Variants in CCDC39 observed in about 807,000 individuals in gnomAD.
CCDC39 encodes coiled-coil domain 39 molecular ruler complex subunit.
CCDC39 carries 113 observed loss-of-function variants against 121.0 expected under a neutral mutation model. The observed-to-expected ratio is 0.93, with a 90% confidence interval of 0.80 to 1.09. The LOEUF (loss-of-function observed/expected upper bound fraction) is 1.09, where lower values mean the gene tolerates loss of function less well. CCDC39 is among the 50% of genes least tolerant of loss of function. The probability of loss-of-function intolerance (pLI) is 0.00; values close to 1 mark genes in which losing one functional copy is unlikely to be tolerated. For missense variants in CCDC39, 1,063 were observed against 1,074.7 expected (o/e 0.99, Z 0.15); for synonymous variants, 349 against 352.2 (o/e 0.99, Z 0.10).
At chr3:180,663,483 A>T (rs540283835) in intron 2 of CCDC39, among the ~76,000 whole-genome samples, 41 of 151,970 alleles carry the variant, frequency 2.7e-4, no homozygotes, top group African/African-American at 7.0e-4. Context: ...GACCAGCCTG[A>T]CCAACATGGT....
At position 180,644,120 on chromosome 3, in the gene CCDC39, C is replaced by G; in HGVS notation, c.1665G>C (p.Gln555His). 1 of 1,535,970 alleles carries G rather than the reference C, an allele frequency of 6.5e-7. No individual in the cohort carries two copies. Among genetic ancestry groups the G allele is most frequent in the South Asian group, 1.3e-5 (1 of 79,780 alleles). The change falls in exon 12 of 20, where the codon CAG becomes CAC. Residue 555 changes from glutamine to histidine, a missense_variant and splice_region_variant. Gln to His is a conservative substitution (Grantham distance 24, BLOSUM62 0). Coordinates refer to ENST00000476379, the MANE Select transcript of CCDC39 (RefSeq NM_181426.2). Reference sequence around the variant, plus strand: ...ACATATGCATACAATTTTACTGCACCTGCTTAAAACCTTTGGCTTTATCAA... The same window carrying G: ...ACATATGCATACAATTTTACTGCACGTGCTTAAAACCTTTGGCTTTATCAA... ...KELDKAKGFK[Q>H]DLMIEDNLLK...
chr3:180,644,396 T>C, intron 11 of CCDC39, 139 bp from the exon 12 acceptor site: 1 of 541,446 alleles, frequency 1.8e-6, no homozygotes, highest in Admixed American at 3.9e-5. Context: ...TTATCTCTCT[T>C]TCTGCTATGT....
At chr3:180,667,575 G>A (rs1711918520) in intron 1 of CCDC39, among the ~76,000 whole-genome samples, 2 of 152,140 alleles carry the variant, frequency 1.3e-5, no homozygotes, top group South Asian at 4.1e-4. Flanking sequence ...CACAAACCGT[G>A]CCTCTCTAAG....
chr3:180,636,942 A>C lies in CCDC39; in HGVS notation c.1874+5051T>G, dbSNP rs182883315. Among the ~76,000 whole-genome samples, 666 of 152,324 alleles carry C rather than the reference A, an allele frequency of 4.4e-3. 2 individuals carry two copies. Among genetic ancestry groups the C allele is most frequent in the Non-Finnish European group, 6.2e-3 (424 of 68,014 alleles). On this transcript the variant is annotated intron_variant, in intron 13 of 19. Coordinates refer to ENST00000476379, the MANE Select transcript of CCDC39 (RefSeq NM_181426.2). ...ATAAAAATCAACTCAAGATGGATTA[A>C]ATATTTAAATGTAATACTCAAAACT...
intron 14 of CCDC39, among the ~76,000 whole-genome samples, chr3:180,627,825 G>C (rs1315842152): frequency 6.6e-6 from 1 of 152,184 alleles, no homozygotes; most frequent in African/African-American, 2.4e-5. Flanking sequence ...GAATTGAGCT[G>C]TGTCCCTTAT....
intron 3 of CCDC39, among the ~76,000 whole-genome samples, chr3:180,661,056 C>A (rs1711730080): frequency 6.6e-6 from 1 of 151,892 alleles, no homozygotes; most frequent in East Asian, 1.9e-4. Flanking sequence ...CCAAAGCCAC[C>A]CCAAATATAT....
At chr3:180,651,217 A>G (rs961029397) in intron 9 of CCDC39, among the ~76,000 whole-genome samples, 184 bp downstream of exon 9, 9 of 152,026 alleles carry the variant, frequency 5.9e-5, no homozygotes, top group Non-Finnish European at 1.0e-4. Context: ...AAAAAGAGAG[A>G]GGAGACTGAG....
At chr3:180,617,455 G>T (rs1400293641) in intron 16 of CCDC39, 1 of 687,330 alleles carries the variant, frequency 1.5e-6, no homozygotes, top group East Asian at 2.7e-5. Flanking sequence ...CCAGAAGAGG[G>T]CATTGTTATC....
intron 11 of CCDC39, among the ~76,000 whole-genome samples, chr3:180,646,231 T>C (rs1718063733): frequency 1.3e-5 from 2 of 152,168 alleles, no homozygotes; most frequent in Admixed American, 6.5e-5. Context: ...TTTTAAAATA[T>C]TTCATCAGAC....
At chr3:180,668,022 A>G (rs1189696343) in intron 1 of CCDC39, among the ~76,000 whole-genome samples, 1 of 152,210 alleles carries the variant, frequency 6.6e-6, no homozygotes, top group African/African-American at 2.4e-5. Flanking sequence ...GCAGGTTTCT[A>G]TAAGACATGC....
intron 11 of CCDC39, among the ~76,000 whole-genome samples, chr3:180,645,182 G>A (rs1407774270): frequency 6.6e-6 from 1 of 152,080 alleles, no homozygotes; most frequent in Non-Finnish European, 1.5e-5. Context: ...TATTGTCAAA[G>A]CATGTGTATA....
rs1718087961 is a variant in CCDC39, at chr3:180,647,252, GT to G, written c.1363-10del. On this transcript the variant is annotated splice_polypyrimidine_tract_variant and intron_variant, in intron 10 of 19. Coordinates refer to ENST00000476379, the MANE Select transcript of CCDC39 (RefSeq NM_181426.2). ...TGTTGAATGTGAAAATCCTGTTACA[GT>G]TTAAAAAAAAAAAGGTATTACAAAG... The G allele has an allele frequency of 6.7e-7, 1 of 1,491,814 alleles. No homozygotes were observed. The highest frequency in any genetic ancestry group is 1.5e-5 in the African/African-American group (1 of 68,790). 92.4% of individuals were successfully genotyped at this position (1,491,814 alleles called of 1,614,324 possible).
Position 180,619,985 on chromosome 3 carries a change from A to G in CCDC39, c.1999-15T>C. ...TCTTGAGCAGCCTATGAAGTACAGA[A>G]TAGAACTGGTTGAATAAAAGCATTT... On this transcript the variant is annotated splice_polypyrimidine_tract_variant and intron_variant, in intron 14 of 19. Transcript: ENST00000476379. 1.3e-6 allele frequency: 2 copies of G among 1,576,844 alleles called. No homozygotes were observed. The highest frequency in any genetic ancestry group is 1.7e-6 in the Non-Finnish European group (2 of 1,161,050).
intron 10 of CCDC39, among the ~76,000 whole-genome samples, chr3:180,647,669 T>G (rs1302671994): frequency 6.6e-6 from 1 of 152,008 alleles, no homozygotes. Context: ...CTTTAACATC[T>G]GTAATTTTTA....
At position 180,616,838 on chromosome 3, in the gene CCDC39, T is replaced by C. The variant is rs767461670; in HGVS notation, c.2394A>G (p.Arg798=). The part of the protein sequence containing the change: ...ETEEQKPKLE[R]VTKQCAKLTK... ...AAGATATCGATACCTGTTTGGTCAC[T>C]CTTTCTAATTTTGGCTTCTGCTCCT... The change falls in exon 17 of 20, where the codon AGA becomes AGG. Residue 798 remains arginine, a synonymous_variant. Transcript: ENST00000476379. 1.2e-6 allele frequency: 2 copies of C among 1,610,448 alleles called. No individual in the cohort carries two copies. The highest frequency in any genetic ancestry group is 1.3e-5 in the African/African-American group (1 of 74,968).
At chr3:180,624,082 G>A (rs1232302525) in intron 14 of CCDC39, among the ~76,000 whole-genome samples, 1 of 152,028 alleles carries the variant, frequency 6.6e-6, no homozygotes, top group Admixed American at 6.6e-5. Context: ...GGTAATGCTT[G>A]TTTTATGAAT....
At chr3:180,651,102 G>T (rs1169736389) in intron 9 of CCDC39, among the ~76,000 whole-genome samples, 1 of 152,050 alleles carries the variant, frequency 6.6e-6, no homozygotes, top group Non-Finnish European at 1.5e-5. Flanking sequence ...GGCTGAGGCA[G>T]GAGAATCGCT....
intron 1 of CCDC39, among the ~76,000 whole-genome samples, chr3:180,669,099 C>A (rs1212860699): frequency 6.6e-6 from 1 of 152,046 alleles, no homozygotes; most frequent in Non-Finnish European, 1.5e-5. Context: ...AGCAATAGAC[C>A]ATTCATTAAA....
chr3:180,652,036 C>CAAA, intron 8 of CCDC39, 127 bp downstream of exon 8: 11 of 468,066 alleles, frequency 2.4e-5, no homozygotes, highest in Admixed American at 4.5e-5. Context: ...GACTCCCTCT[C>CAAA]AAAAAAAAAA....
Sources: allele counts gnomAD v4.1 joint callset (sites outside exome capture counted in the v4.1 genomes callset), GRCh38; gene constraint gnomAD v4.1.1; transcripts MANE v1.5; gene names NCBI Gene and HGNC (gene_info 2026-07-23, HGNC 2026-07-21).